The following IMMP2L variants were observed in gnomAD, a reference collection of about 807,000 sequenced individuals.
The protein encoded by IMMP2L is inner mitochondrial membrane peptidase subunit 2.
IMMP2L carries 18 observed loss-of-function variants against 19.3 expected under a neutral mutation model. The ratio of observed to expected loss-of-function variants is 0.93; its 90% CI spans 0.64 to 1.38. The LOEUF (loss-of-function observed/expected upper bound fraction) is 1.38. Ranked by LOEUF, IMMP2L falls within the 40% of genes most tolerant of loss-of-function variation. The probability of loss-of-function intolerance (pLI) is 0.00; values close to 1 mark genes in which losing one functional copy is unlikely to be tolerated. For synonymous variants in IMMP2L, 76 were observed against 73.0 expected (o/e 1.04, Z -0.21); for missense variants, 233 against 218.2 (o/e 1.07, Z -0.43).
rs948002064 is a variant in IMMP2L at position 111,439,463 on chromosome 7, G to A, written c.239+47775C>T. ...ATCACCTCAATAAAGTGAGTCACAC[G>A]AATTTTTTGGTTTCACAGTGTATAT... On this transcript the variant is annotated intron_variant, in intron 3 of 5. Transcript: ENST00000405709. 4.0e-5 allele frequency among the ~76,000 whole-genome samples: 6 copies of A among 151,800 alleles called. 1 individual carries two copies. Among genetic ancestry groups the A allele is most frequent in the Admixed American group, 2.6e-4 (4 of 15,244 alleles).
At chr7:110,679,866 T>C (rs1170377606) in intron 5 of IMMP2L, among the ~76,000 whole-genome samples, 4 of 152,220 alleles carry the variant, frequency 2.6e-5, no homozygotes, top group African/African-American at 7.2e-5. Flanking sequence ...ACTAGCACCA[T>C]ATCTGGTGCT....
At chr7:110,967,293 C>T (rs1464555183) in intron 3 of IMMP2L, among the ~76,000 whole-genome samples, 2 of 151,924 alleles carry the variant, frequency 1.3e-5, no homozygotes. Flanking sequence ...ATAATTTTCA[C>T]CCTGTTGGGA....
intron 3 of IMMP2L, among the ~76,000 whole-genome samples, chr7:111,330,578 A>T (rs2130652413): frequency 6.6e-6 from 1 of 151,958 alleles, no homozygotes; most frequent in East Asian, 1.9e-4. Context: ...TTCAAGATAA[A>T]GGAAAAATCC....
At chr7:110,983,270 A>G (rs1821494425) in intron 3 of IMMP2L, among the ~76,000 whole-genome samples, 1 of 152,094 alleles carries the variant, frequency 6.6e-6, no homozygotes, top group Non-Finnish European at 1.5e-5. Context: ...GAAGCCTAAT[A>G]ACATAATTTT....
intron 5 of IMMP2L, among the ~76,000 whole-genome samples, chr7:110,856,967 T>C (rs952086247): frequency 6.6e-6 from 1 of 152,062 alleles, no homozygotes; most frequent in African/African-American, 2.4e-5. Flanking sequence ...CTGACATTCA[T>C]CTGATCGATA....
chr7:110,853,085 A>G (rs1806405241), intron 5 of IMMP2L, among the ~76,000 whole-genome samples: 1 of 152,008 alleles, frequency 6.6e-6, no homozygotes, highest in Non-Finnish European at 1.5e-5. Context: ...CCTAAACAAA[A>G]TGTATAACTT....
rs75319742 is a variant in IMMP2L, at chr7:111,499,252, G to A, written c.136-11911C>T. On this transcript the variant is annotated intron_variant, in intron 2 of 5. Transcript: ENST00000405709. The stretch of plus-strand genomic sequence containing the variant: ...AAGGCCAAGTCAAGAATCAGCATAG[G>A]TGAGGATGACATAGAGCTCAGTACC... Among the ~76,000 whole-genome samples, 319 of 152,266 alleles carry A rather than the reference G, an allele frequency of 2.1e-3. 3 individuals are homozygous for A. The highest frequency in any genetic ancestry group is 7.3e-3 in the African/African-American group (302 of 41,556).
intron 3 of IMMP2L, among the ~76,000 whole-genome samples, chr7:111,312,933 G>A (rs754868724): frequency 1.3e-5 from 2 of 152,004 alleles, no homozygotes; most frequent in Non-Finnish European, 2.9e-5. Flanking sequence ...TGTTGAAGGG[G>A]TTAGAAAAAA....
intron 3 of IMMP2L, among the ~76,000 whole-genome samples, chr7:111,380,722 T>A (rs1471028654): frequency 6.6e-6 from 1 of 151,976 alleles, no homozygotes; most frequent in African/African-American, 2.4e-5. Context: ...GAGAGAAAAA[T>A]TAGCCCTTTA....
At chr7:110,673,845 C>T (rs1035201095) in intron 5 of IMMP2L, among the ~76,000 whole-genome samples, 10 of 152,180 alleles carry the variant, frequency 6.6e-5, no homozygotes, top group African/African-American at 2.4e-4. Flanking sequence ...TTCCCCATAT[C>T]TTCCTGTCTT....
At chr7:111,505,060 C>T (rs1191747572) in intron 2 of IMMP2L, among the ~76,000 whole-genome samples, 5 of 151,914 alleles carry the variant, frequency 3.3e-5, no homozygotes, top group East Asian at 3.9e-4. Context: ...AAAAAATTTT[C>T]GCAACCTACT....
At chr7:110,763,083 G>A (rs1278017672) in intron 5 of IMMP2L, among the ~76,000 whole-genome samples, 1 of 152,088 alleles carries the variant, frequency 6.6e-6, no homozygotes, top group Non-Finnish European at 1.5e-5. Flanking sequence ...AGCAAAGGAG[G>A]AGGAGGAGGA....
intron 3 of IMMP2L, among the ~76,000 whole-genome samples, chr7:111,044,644 T>A (rs1454679030): frequency 6.6e-6 from 1 of 152,212 alleles, no homozygotes. Context: ...CATTTGTCAA[T>A]CTACTGTCAT....
intron 1 of IMMP2L, among the ~76,000 whole-genome samples, chr7:111,522,701 T>C (rs1381840097): frequency 6.6e-6 from 1 of 151,938 alleles, no homozygotes; most frequent in Non-Finnish European, 1.5e-5. Context: ...TAAATTAATA[T>C]GGCCATTACA....
intron 5 of IMMP2L, among the ~76,000 whole-genome samples, chr7:110,788,449 G>T (rs1234557162): frequency 6.6e-6 from 1 of 151,050 alleles, no homozygotes; most frequent in African/African-American, 2.5e-5. Flanking sequence ...AGTCTTTTTG[G>T]ATGACTCCTT....
intron 3 of IMMP2L, among the ~76,000 whole-genome samples, chr7:111,214,152 C>T (rs1811633773): frequency 6.6e-6 from 1 of 151,988 alleles, no homozygotes; most frequent in South Asian, 2.1e-4. Flanking sequence ...CCAAGGGTAT[C>T]TTCTCTTGCT....
At chr7:110,869,726 T>C (rs952246667) in intron 5 of IMMP2L, among the ~76,000 whole-genome samples, 10 of 152,136 alleles carry the variant, frequency 6.6e-5, no homozygotes, top group Non-Finnish European at 1.2e-4. Context: ...GTGATTCTAA[T>C]ACACATGAAA....
intron 3 of IMMP2L, among the ~76,000 whole-genome samples, chr7:111,292,044 C>A (rs1821169858): frequency 6.6e-6 from 1 of 152,154 alleles, no homozygotes. Flanking sequence ...TGCTCATCAT[C>A]ACTCATATAA....
rs1554550178 is a variant in IMMP2L, at chr7:111,556,035, T to TATATATATATATATATACACAC, written c.-3+5815_-3+5816insGTGTGTATATATATATATATAT. 3.4e-3 allele frequency among the ~76,000 whole-genome samples: 460 copies of TATATATATATATATATACACAC among 135,690 alleles called. 10 individuals are homozygous for TATATATATATATATATACACAC. The highest frequency in any genetic ancestry group is 0.012 in the African/African-American group (448 of 36,386). The allele number at this position is 135,690 out of a possible 152,430, so 89.0% of individuals were successfully genotyped here. On this transcript the variant is annotated intron_variant, in intron 1 of 5. Coordinates refer to ENST00000405709, the MANE Select transcript of IMMP2L (RefSeq NM_032549.4). The stretch of plus-strand genomic sequence containing the variant: ...GTGTGCATGTATATATATATATATA[T>TATATATATATATATATACACAC]ACATACCCAAAGAAAATGAAACCGC...
Sources: gnomAD v4.1 joint callset for allele counts (sites outside exome capture counted in the v4.1 genomes callset) on GRCh38, gnomAD v4.1.1 for gene constraint, MANE v1.5 for transcripts, NCBI Gene and HGNC (gene_info 2026-07-23, HGNC 2026-07-21) for gene names.